The following TGFB2 variants were observed in gnomAD, a reference collection of about 807,000 sequenced individuals.
TGFB2 encodes the protein transforming growth factor beta 2, also known as transforming growth factor beta-2 proprotein.
In TGFB2, 13 loss-of-function variants were observed where a neutral mutation model predicts 42.7. That is an observed-to-expected ratio of 0.30 (90% CI 0.20 to 0.48). The LOEUF (loss-of-function observed/expected upper bound fraction) is 0.48. Ranked by LOEUF, TGFB2 falls within the 20% of genes least tolerant of loss-of-function variation. The pLI, the probability that TGFB2 is intolerant of heterozygous loss-of-function variation, is 0.99. For synonymous variants in TGFB2, 193 were observed against 193.6 expected (o/e 1.00, Z 0.03); for missense variants, 390 against 517.5 (o/e 0.75, Z 2.39).
intron 1 of TGFB2, among the ~76,000 whole-genome samples, chr1:218,375,564 G>A (rs577949282): frequency 1.3e-5 from 2 of 152,230 alleles, no homozygotes; most frequent in Admixed American, 1.3e-4. Flanking sequence ...ATCATTTTAA[G>A]GTGATCATTG....
chr1:218,364,422 A>G (rs536287014), intron 1 of TGFB2, among the ~76,000 whole-genome samples: 46 of 152,354 alleles, frequency 3.0e-4, no homozygotes, highest in African/African-American at 9.6e-4. Flanking sequence ...TGAGTCCACA[A>G]CAAAGAATAG....
At chr1:218,382,568 A>G (rs374205215) in intron 1 of TGFB2, among the ~76,000 whole-genome samples, 3 of 152,254 alleles carry the variant, frequency 2.0e-5, no homozygotes, top group African/African-American at 7.2e-5. Context: ...AAGTATTCAT[A>G]GATTATTCAG....
chr1:218,368,185 C>CAAGAGTGA (rs1657448671), intron 1 of TGFB2, among the ~76,000 whole-genome samples: 1 of 151,864 alleles, frequency 6.6e-6, no homozygotes, highest in Non-Finnish European at 1.5e-5. Flanking sequence ...ACTCTTGTTG[C>CAAGAGTGA]CCAGGCTGGA....
chr1:218,423,125 T>G (rs956993712), intron 2 of TGFB2, among the ~76,000 whole-genome samples: 4 of 152,184 alleles, frequency 2.6e-5, no homozygotes, highest in African/African-American at 9.7e-5. Flanking sequence ...CACAAGAGTG[T>G]GTTCTCTGTG....
At chr1:218,371,089 A>G (rs1024225022) in intron 1 of TGFB2, among the ~76,000 whole-genome samples, 1 of 152,150 alleles carries the variant, frequency 6.6e-6, no homozygotes, top group Non-Finnish European at 1.5e-5. Context: ...ACTTGAGCCC[A>G]GGAGTTTGAG....
intron 2 of TGFB2, among the ~76,000 whole-genome samples, chr1:218,415,332 C>T (rs1266261855): frequency 1.3e-5 from 2 of 152,116 alleles, no homozygotes; most frequent in Non-Finnish European, 2.9e-5. Context: ...GTTGCTGTCC[C>T]AGGAGTTTGC....
At chr1:218,440,430 C>CTTAT (rs1423432342) in intron 6 of TGFB2, among the ~76,000 whole-genome samples, 1 of 151,302 alleles carries the variant, frequency 6.6e-6, no homozygotes, top group South Asian at 2.1e-4. Context: ...TCCTTCCTTC[C>CTTAT]TTATTTATTT....
intron 1 of TGFB2, among the ~76,000 whole-genome samples, chr1:218,394,930 G>A (rs1041622580): frequency 6.6e-6 from 1 of 152,018 alleles, no homozygotes; most frequent in African/African-American, 2.4e-5. Context: ...CCAACCACTC[G>A]GTGGGTTGCT....
intron 1 of TGFB2, among the ~76,000 whole-genome samples, chr1:218,375,180 G>A (rs534042870): frequency 2.6e-5 from 4 of 152,090 alleles, no homozygotes; most frequent in African/African-American, 7.2e-5. Flanking sequence ...TATAACAGAC[G>A]GTGGTCCCTT....
intron 1 of TGFB2, among the ~76,000 whole-genome samples, chr1:218,394,741 T>C (rs1331636970): frequency 6.6e-6 from 1 of 152,132 alleles, no homozygotes; most frequent in Non-Finnish European, 1.5e-5. Context: ...GTTTATTTCT[T>C]AGTCATTTTA....
chr1:218,388,461 A>G (rs935961780), intron 1 of TGFB2, among the ~76,000 whole-genome samples: 4 of 152,342 alleles, frequency 2.6e-5, no homozygotes, highest in African/African-American at 2.4e-5. Flanking sequence ...CGCTGTGCCC[A>G]CTGAGGTGGA....
At chr1:218,354,760 C>T (rs1656977846) in intron 1 of TGFB2, among the ~76,000 whole-genome samples, 1 of 152,298 alleles carries the variant, frequency 6.6e-6, no homozygotes, top group South Asian at 2.1e-4. Context: ...CCTCTGTTAA[C>T]AAGAATTACA....
chr1:218,382,291 C>A (rs564591097), intron 1 of TGFB2, among the ~76,000 whole-genome samples: 1 of 152,232 alleles, frequency 6.6e-6, no homozygotes, highest in South Asian at 2.1e-4. Context: ...GCTACTGGTA[C>A]CTTTGCTTTT....
At chr1:218,388,684 A>G (rs1041444171) in intron 1 of TGFB2, among the ~76,000 whole-genome samples, 33 of 152,166 alleles carry the variant, frequency 2.2e-4, no homozygotes, top group African/African-American at 8.0e-4. Flanking sequence ...CTGAACACTA[A>G]TAACTTTCTC....
At chr1:218,431,106 T>G (rs1180232848) in intron 2 of TGFB2, among the ~76,000 whole-genome samples, 1 of 152,182 alleles carries the variant, frequency 6.6e-6, no homozygotes, top group Non-Finnish European at 1.5e-5. Context: ...CGCTACTGTG[T>G]TTGAGAATTA....
At chr1:218,421,318 G>C (rs1659446848) in intron 2 of TGFB2, among the ~76,000 whole-genome samples, 1 of 150,558 alleles carries the variant, frequency 6.6e-6, no homozygotes, top group Admixed American at 6.6e-5. Context: ...TGTCCTTCTT[G>C]ATATATATAA....
At chr1:218,434,977 TA>T (rs1416032083) in intron 4 of TGFB2, among the ~76,000 whole-genome samples, 4 of 152,202 alleles carry the variant, frequency 2.6e-5, no homozygotes, top group African/African-American at 7.2e-5. Context: ...TATTAGTTTA[TA>T]AACACATAAA....
intron 2 of TGFB2, 94 bp downstream of exon 2, chr1:218,405,426 A>G (rs750662416): frequency 2.5e-6 from 4 of 1,592,084 alleles, no homozygotes; most frequent in Non-Finnish European, 3.4e-6. Flanking sequence ...GTACAGTGGC[A>G]TGATCACAGC....
chr1:218,375,633 GC>G (rs1209345435), intron 1 of TGFB2, among the ~76,000 whole-genome samples: 3 of 152,050 alleles, frequency 2.0e-5, no homozygotes, highest in Admixed American at 2.0e-4. Context: ...AGAAATTCTA[GC>G]CCATATTTTA....
Sources: gnomAD v4.1 joint callset for allele counts (sites outside exome capture counted in the v4.1 genomes callset) on GRCh38, gnomAD v4.1.1 for gene constraint, MANE v1.5 for transcripts, NCBI Gene and HGNC (gene_info 2026-07-23, HGNC 2026-07-21) for gene names.